The following TMT1A variants were observed in gnomAD, a reference collection of about 807,000 sequenced individuals.
The protein encoded by TMT1A is thiol methyltransferase 1A.
chr12:50,929,892 T>A, the TMT1A span: 2 of 1,552,316 alleles, frequency 1.3e-6, no homozygotes, highest in Admixed American at 4.3e-5. Flanking sequence ...TTGAAATGTT[T>A]TTTTTTTTCT....
chr12:50,925,313 G>A, the TMT1A span: 11 of 1,614,246 alleles, frequency 6.8e-6, no homozygotes, highest in Non-Finnish European at 8.5e-6. Context: ...CCACCTGGGT[G>A]CAGGGTGACC....
the TMT1A span, chr12:50,925,353 G>C: frequency 2.5e-6 from 4 of 1,614,214 alleles, no homozygotes; most frequent in African/African-American, 4.0e-5. Flanking sequence ...ACTTTGAGAA[G>C]TTTTTGATCA....
At chr12:50,931,496 T>C in the TMT1A span, 1 of 145,010 alleles carries the variant, frequency 6.9e-6, no homozygotes, top group African/African-American at 2.6e-5. Context: ...GATCACGAGG[T>C]AGGAGTTAAA....
the TMT1A span, chr12:50,932,361 T>G: frequency 6.6e-6 from 1 of 152,054 alleles, no homozygotes; most frequent in African/African-American, 2.4e-5. Context: ...TGAAAGCGAG[T>G]GTTAGGTTGG....
At chr12:50,930,052 G>C in the TMT1A span, 1 of 1,614,104 alleles carries the variant, frequency 6.2e-7, no homozygotes, top group Non-Finnish European at 8.5e-7. Flanking sequence ...GAAGGCCCTG[G>C]AGCGGGCCAG....
At chr12:50,925,541 G>GAAGGT in the TMT1A span, 24 of 1,610,988 alleles carry the variant, frequency 1.5e-5, no homozygotes, top group Non-Finnish European at 2.0e-5. Context: ...AGACCGGTGA[G>GAAGGT]TGAAAGGGTG....
At chr12:50,928,992 C>A in the TMT1A span, among the ~76,000 whole-genome samples, 2 of 151,970 alleles carry the variant, frequency 1.3e-5, no homozygotes, top group Admixed American at 1.3e-4. Context: ...AATCCCAGCA[C>A]TTTGGGAGGC....
At chr12:50,928,423 T>A in the TMT1A span, among the ~76,000 whole-genome samples, 9 of 152,330 alleles carry the variant, frequency 5.9e-5, no homozygotes, top group South Asian at 1.9e-3. Flanking sequence ...AACAGGTTGC[T>A]GGTTGCCCCC....
chr12:50,930,855 T>A, the TMT1A span: 6 of 152,278 alleles, frequency 3.9e-5, no homozygotes, highest in Middle Eastern at 3.1e-3. Flanking sequence ...GTGCTGTGAT[T>A]ACAGACGTCA....
chr12:50,929,989 G>C, the TMT1A span: 2 of 1,613,940 alleles, frequency 1.2e-6, no homozygotes, highest in Non-Finnish European at 1.7e-6. Flanking sequence ...ACAAGTCCTG[G>C]ATCCTGCCTG....
the TMT1A span, chr12:50,932,282 C>T: frequency 6.6e-6 from 1 of 152,292 alleles, no homozygotes; most frequent in East Asian, 1.9e-4. Flanking sequence ...TCTAATTCCA[C>T]CCCTGTTGGA....
the TMT1A span, chr12:50,925,138 A>C: frequency 6.2e-7 from 1 of 1,614,160 alleles, no homozygotes; most frequent in East Asian, 2.2e-5. Context: ...GATATGCAAA[A>C]AATGGTTCCC....
At chr12:50,927,991 A>C in the TMT1A span, among the ~76,000 whole-genome samples, 2 of 152,076 alleles carry the variant, frequency 1.3e-5, no homozygotes, top group African/African-American at 4.8e-5. Flanking sequence ...CGCCTGGCTA[A>C]CTTTTATATT....
At chr12:50,931,730 A>C in the TMT1A span, 1 of 151,136 alleles carries the variant, frequency 6.6e-6, no homozygotes, top group Non-Finnish European at 1.5e-5. Context: ...AAAAAAAAAA[A>C]AAAAGAAGTA....
chr12:50,929,539 T>TG, the TMT1A span, among the ~76,000 whole-genome samples: 1 of 152,244 alleles, frequency 6.6e-6, no homozygotes, highest in Non-Finnish European at 1.5e-5. Context: ...TGCCTGTACT[T>TG]GATCAACATT....
the TMT1A span, among the ~76,000 whole-genome samples, chr12:50,926,031 AAAAAAAAAGAAAGAAAG>A: frequency 6.7e-6 from 1 of 148,730 alleles, no homozygotes; most frequent in Non-Finnish European, 1.5e-5. Flanking sequence ...AAAAAAAAAA[AAAAAAAAAGAAAGAAAG>A]AAAAAAAAGA....
the TMT1A span, chr12:50,932,251 A>C: frequency 6.6e-6 from 1 of 152,346 alleles, no homozygotes; most frequent in Non-Finnish European, 1.5e-5. Context: ...AAAGAAATAA[A>C]TATTTTTTGG....
chr12:50,930,125 A>G, the TMT1A span: 2 of 1,611,568 alleles, frequency 1.2e-6, no homozygotes, highest in Non-Finnish European at 1.7e-6. Context: ...GTGCGCCCTC[A>G]TATCTATGGA....
At chr12:50,930,496 T>A in the TMT1A span, 1 of 166,852 alleles carries the variant, frequency 6.0e-6, no homozygotes. Context: ...CAGGCTGGTC[T>A]TGAACTCCTG....
Sources: gnomAD v4.1 joint callset for allele counts (sites outside exome capture counted in the v4.1 genomes callset) on GRCh38, gnomAD v4.1.1 for gene constraint, MANE v1.5 for transcripts, NCBI Gene and HGNC (gene_info 2026-07-23, HGNC 2026-07-21) for gene names.